The following SEC13 variants were observed in gnomAD, a reference collection of about 807,000 sequenced individuals.
SEC13 encodes protein SEC13 homolog.
SEC13 carries 25 observed loss-of-function variants against 49.2 expected under a neutral mutation model. That is an observed-to-expected ratio of 0.51 (90% CI 0.37 to 0.71). SEC13 has a LOEUF of 0.71. SEC13 is among the 30% of genes least tolerant of loss of function. The pLI is 0.00. For missense variants in SEC13, 383 were observed against 417.6 expected (o/e 0.92, Z 0.72); for synonymous variants, 148 against 163.9 (o/e 0.90, Z 0.74).
intron 6 of SEC13, 155 bp downstream of exon 6, chr3:10,305,404 T>G (rs1242837869): frequency 9.0e-7 from 1 of 1,108,122 alleles, no homozygotes; most frequent in African/African-American, 1.6e-5. Flanking sequence ...GTGTTGTTTT[T>G]CAAGGATGTC....
chr3:10,319,418 C>T (rs1358328794), intron 1 of SEC13: 38 of 736,320 alleles, frequency 5.2e-5, no homozygotes, highest in Non-Finnish European at 6.7e-5. Context: ...ACCAAGGGCA[C>T]AGTCAATCAG....
chr3:10,315,781 C>T (rs1020058420), intron 2 of SEC13, among the ~76,000 whole-genome samples: 4 of 152,128 alleles, frequency 2.6e-5, no homozygotes, highest in African/African-American at 7.2e-5. Flanking sequence ...AGGCCCTATT[C>T]AGTTCTTAGG....
intron 4 of SEC13, among the ~76,000 whole-genome samples, 195 bp from the exon 5 acceptor site, chr3:10,312,293 GTCTA>G (rs1454680223): frequency 6.6e-6 from 1 of 152,178 alleles, no homozygotes; most frequent in East Asian, 1.9e-4. Context: ...ATAACCTACA[GTCTA>G]TCTAACAAAA....
chr3:10,301,598 A>C (rs1039468254), intron 8 of SEC13, among the ~76,000 whole-genome samples: 1 of 152,236 alleles, frequency 6.6e-6, no homozygotes, highest in Non-Finnish European at 1.5e-5. Context: ...TGATGTCAAC[A>C]CAGGATACTG....
At position 10,301,089 on chromosome 3, in the gene SEC13, A is replaced by C. The variant is rs114315190; in HGVS notation, c.*172T>G. On this transcript the variant is annotated 3_prime_UTR_variant, in exon 9 of 9. Transcript: ENST00000350697. The stretch of plus-strand genomic sequence containing the variant: ...GCTTTCAGCTGGACAGTAGATTACA[A>C]AGCATCTCCGATCACGTTAAGGCAG... 778 of 1,612,518 alleles carry C rather than the reference A, an allele frequency of 4.8e-4. 5 individuals carry two copies. In the African/African-American group the frequency reaches 8.9e-3, roughly 19 times the overall value.
At chr3:10,319,825 G>T in intron 1 of SEC13, among the ~76,000 whole-genome samples, 1 of 49,374 alleles carries the variant, frequency 2.0e-5, no homozygotes, top group African/African-American at 9.1e-5. Context: ...GGAGGAAAGA[G>T]GGAGGGGGAG....
At chr3:10,309,360 T>C (rs1225365218) in intron 5 of SEC13, among the ~76,000 whole-genome samples, 2 of 152,218 alleles carry the variant, frequency 1.3e-5, no homozygotes, top group Non-Finnish European at 2.9e-5. Flanking sequence ...ACTCCTGGTA[T>C]TCGTATGTCT....
At chr3:10,312,528 CT>C in intron 4 of SEC13, 50 bp downstream of exon 4, 1 of 1,600,178 alleles carries the variant, frequency 6.2e-7, no homozygotes, top group Non-Finnish European at 8.5e-7. Flanking sequence ...GGACAGAGTC[CT>C]TTTTTACCCA....
chr3:10,303,330 T>C (rs1198765077), intron 8 of SEC13, among the ~76,000 whole-genome samples: 1 of 152,226 alleles, frequency 6.6e-6, no homozygotes, highest in Non-Finnish European at 1.5e-5. Flanking sequence ...CCTGCGGCGT[T>C]AGAGATCCTC....
chr3:10,305,068 C>T lies in SEC13; in HGVS notation c.673G>A (p.Gly225Ser), dbSNP rs748970906. ...VRDVAWAPSI[G>S]LPTSTIASCS... ...CTGGCGATGGTGCTGGTGGGCAGGC[C>T]GATGGAGGGGGCCCAGGCCACATCT... The change falls in exon 7 of 9, where the codon GGC becomes AGC. Residue 225 changes from glycine (G) to serine (S), a missense_variant. Gly to Ser is a moderately conservative substitution (Grantham distance 56). Transcript: ENST00000350697. 1.2e-5 allele frequency: 20 copies of T among 1,613,986 alleles called. No individual in the cohort carries two copies. Among genetic ancestry groups the T allele is most frequent in the Admixed American group, 6.7e-5 (4 of 60,008 alleles).
chr3:10,319,188 T>C (rs748491174), intron 1 of SEC13: 2 of 1,613,856 alleles, frequency 1.2e-6, no homozygotes, highest in Admixed American at 3.3e-5. Flanking sequence ...GGTATAAAGT[T>C]TGACTTGTGA....
At chr3:10,316,479 G>A (rs1701614386) in intron 2 of SEC13, among the ~76,000 whole-genome samples, 1 of 152,134 alleles carries the variant, frequency 6.6e-6, no homozygotes, top group African/African-American at 2.4e-5. Context: ...GGCAGTAGAG[G>A]AGTGTTTCTG....
chr3:10,308,549 A>AACTT (rs1701033236), intron 5 of SEC13, among the ~76,000 whole-genome samples: 1 of 152,096 alleles, frequency 6.6e-6, no homozygotes, highest in East Asian at 1.9e-4. Context: ...TCTTTGTGTG[A>AACTT]ACTTCAAAGT....
chr3:10,310,490 C>CA (rs1339925737), intron 5 of SEC13, among the ~76,000 whole-genome samples: 27 of 151,928 alleles, frequency 1.8e-4, no homozygotes, highest in Non-Finnish European at 1.0e-4. Flanking sequence ...GCCTCCGTCT[C>CA]AAAAAAACAG....
chr3:10,319,795 A>AGAGAGAG lies in SEC13; in HGVS notation c.3+1254_3+1255insCTCTCTC, dbSNP rs1309904220. On this transcript the variant is annotated intron_variant, in intron 1 of 8. Coordinates refer to ENST00000350697, the MANE Select transcript of SEC13 (RefSeq NM_183352.3). ...GAGAGAGAGAGAGAGAGAGAGAGAG[A>AGAGAGAG]AGGCGGGGGGGGGGGGGGGGGAGGA... is the stretch of plus-strand genomic sequence containing the variant. Among the ~76,000 whole-genome samples, 19 of 2,344 alleles carry AGAGAGAG rather than the reference A, an allele frequency of 8.1e-3. 1 individual carries two copies. The highest frequency in any genetic ancestry group is 0.02 in the African/African-American group (9 of 456). The allele number at this position is 2,344 out of a possible 152,430, so 1.5% of individuals were successfully genotyped here. A position where few individuals can be genotyped will look rare whatever the true frequency, so the allele number is the denominator to read the frequency against.
intron 8 of SEC13, among the ~76,000 whole-genome samples, chr3:10,301,862 T>A (rs1700544150): frequency 6.6e-6 from 1 of 152,146 alleles, no homozygotes; most frequent in African/African-American, 2.4e-5. Context: ...AATATGTTGT[T>A]TCTACACTGA....
intron 8 of SEC13, 111 bp from the exon 9 acceptor site, chr3:10,301,485 G>A: frequency 7.2e-7 from 1 of 1,380,666 alleles, no homozygotes. Context: ...GCTTGTGGGT[G>A]AACAGAGCAT....
chr3:10,313,603 G>A (rs114950142), intron 3 of SEC13: 5,071 of 264,942 alleles, frequency 0.019, 218 homozygotes, highest in African/African-American at 0.093. Context: ...CTCTGGCTGG[G>A]ACAACAGGAC....
Position 10,305,172 on chromosome 3 carries a change from G to C in SEC13, c.585-16C>G. 6.2e-7 allele frequency: 1 copy of C among 1,601,038 alleles called. No individual in the cohort carries two copies. The stretch of plus-strand genomic sequence containing the variant: ...CTCCTCCTCCCTAACAGTGGGGACA[G>C]AAAGAGAATCAGCAGGGGGCCGTTC... On this transcript the variant is annotated splice_polypyrimidine_tract_variant and intron_variant, in intron 6 of 8. Coordinates refer to ENST00000350697, the MANE Select transcript of SEC13 (RefSeq NM_183352.3).
Sources: gnomAD v4.1 joint callset for allele counts (sites outside exome capture counted in the v4.1 genomes callset) on GRCh38, gnomAD v4.1.1 for gene constraint, MANE v1.5 for transcripts, NCBI Gene and HGNC (gene_info 2026-07-23, HGNC 2026-07-21) for gene names.